DOCK3: variants seen among roughly 807,000 people sequenced by gnomAD.
The protein encoded by DOCK3 is dedicator of cytokinesis protein 3.
A neutral mutation model predicts 265.6 loss-of-function variants in DOCK3; 60 were observed. That is an observed-to-expected ratio of 0.23 (90% CI 0.18 to 0.28). The LOEUF (loss-of-function observed/expected upper bound fraction) is 0.28. DOCK3 is among the 10% of genes least tolerant of loss of function. The pLI, the probability that DOCK3 is intolerant of heterozygous loss-of-function variation, is 1.00. For synonymous variants in DOCK3, 881 were observed against 938.0 expected (o/e 0.94, Z 1.11); for missense variants, 1,981 against 2,594.3 (o/e 0.76, Z 5.14).
At chr3:51,079,837 C>T (rs542688727) in intron 7 of DOCK3, among the ~76,000 whole-genome samples, 2 of 152,288 alleles carry the variant, frequency 1.3e-5, no homozygotes, top group East Asian at 3.9e-4. Flanking sequence ...AAATGTGACA[C>T]TCAAAAATTA....
intron 14 of DOCK3, among the ~76,000 whole-genome samples, chr3:51,220,308 T>G (rs2090011281): frequency 6.6e-6 from 1 of 152,100 alleles, no homozygotes; most frequent in South Asian, 2.1e-4. Flanking sequence ...AGCACATCTG[T>G]AGAAACCCCT....
intron 12 of DOCK3, among the ~76,000 whole-genome samples, chr3:51,208,565 G>A (rs1271675040): frequency 1.3e-5 from 2 of 152,242 alleles, no homozygotes; most frequent in East Asian, 3.9e-4. Flanking sequence ...AATGTTTGTA[G>A]GGATTCATTT....
chr3:50,793,362 T>C (rs566950571), intron 2 of DOCK3, among the ~76,000 whole-genome samples: 137 of 149,126 alleles, frequency 9.2e-4, no homozygotes, highest in Middle Eastern at 6.9e-3. Context: ...CTTTTTCTTT[T>C]TTTTTTTTTT....
rs571473970 is a variant in DOCK3, at chr3:50,771,850, C to T, written c.38-6825C>T. On this transcript the variant is annotated intron_variant, in intron 1 of 52. Coordinates refer to ENST00000266037, the MANE Select transcript of DOCK3 (RefSeq NM_004947.5). The stretch of plus-strand genomic sequence containing the variant: ...TGGGCGACAGAGCGAGACTCCATCT[C>T]AAAAACAAAAACAAAAACAAAACAA... Among the ~76,000 whole-genome samples, 55 of 151,952 alleles carry T rather than the reference C, an allele frequency of 3.6e-4. No individual in the cohort carries two copies. The Middle Eastern group carries it at 0.01, about 28-fold the overall frequency.
At chr3:50,925,152 TG>T (rs1315261794) in intron 4 of DOCK3, among the ~76,000 whole-genome samples, 3 of 152,216 alleles carry the variant, frequency 2.0e-5, no homozygotes, top group African/African-American at 7.2e-5. Flanking sequence ...CAACTGATCT[TG>T]TAATTCAGCA....
chr3:51,290,735 A>C (rs1300114965), intron 27 of DOCK3, among the ~76,000 whole-genome samples: 1 of 152,196 alleles, frequency 6.6e-6, no homozygotes, highest in African/African-American at 2.4e-5. Flanking sequence ...CAAAAAGAGC[A>C]GGGGTAGCTA....
At chr3:51,072,709 A>G (rs548460049) in intron 6 of DOCK3, among the ~76,000 whole-genome samples, 4 of 151,902 alleles carry the variant, frequency 2.6e-5, no homozygotes, top group African/African-American at 9.7e-5. Flanking sequence ...CGCTCAGCTG[A>G]AAACATTTTT....
At chr3:51,131,449 G>A (rs1423051784) in intron 9 of DOCK3, among the ~76,000 whole-genome samples, 2 of 152,164 alleles carry the variant, frequency 1.3e-5, no homozygotes, top group African/African-American at 2.4e-5. Context: ...TGTTGGTAAT[G>A]TAGTAGGGTC....
intron 12 of DOCK3, among the ~76,000 whole-genome samples, chr3:51,200,520 T>C (rs1254904797): frequency 6.8e-6 from 1 of 148,134 alleles, no homozygotes; most frequent in Non-Finnish European, 1.5e-5. Flanking sequence ...TATGGGACTA[T>C]GTGAAAAGAC....
In DOCK3 at chr3:51,073,138, T is replaced by C. The variant is rs574524956; in HGVS notation, c.465-2218T>C. On this transcript the variant is annotated intron_variant, in intron 6 of 52. Transcript: ENST00000266037. ...AGAATATGTATGAAATGTTGTCTCT[T>C]CATTTTTTATTATTTTAAAAAGTTT... is the stretch of plus-strand genomic sequence containing the variant. Among the ~76,000 whole-genome samples, 338 of 152,328 alleles carry C rather than the reference T, an allele frequency of 2.2e-3. 1 individual carries two copies. Among genetic ancestry groups the C allele is most frequent in the African/African-American group, 7.9e-3 (328 of 41,584 alleles).
At chr3:50,989,025 A>T (rs1041000088) in intron 5 of DOCK3, among the ~76,000 whole-genome samples, 3 of 152,124 alleles carry the variant, frequency 2.0e-5, no homozygotes, top group African/African-American at 7.2e-5. Flanking sequence ...CACACCTGCT[A>T]CAAGCTGCAG....
intron 12 of DOCK3, among the ~76,000 whole-genome samples, chr3:51,179,776 G>A (rs2087171821): frequency 2.0e-5 from 3 of 151,962 alleles, no homozygotes; most frequent in African/African-American, 4.8e-5. Flanking sequence ...GCCGGGCTTG[G>A]TGGTGCATGC....
intron 5 of DOCK3, among the ~76,000 whole-genome samples, chr3:51,032,650 A>C (rs2080098571): frequency 6.6e-6 from 1 of 152,268 alleles, no homozygotes; most frequent in South Asian, 2.1e-4. Flanking sequence ...GCTAACATCT[A>C]TAATCACAGC....
At chr3:50,872,497 G>A (rs1235536994) in intron 3 of DOCK3, among the ~76,000 whole-genome samples, 2 of 152,190 alleles carry the variant, frequency 1.3e-5, no homozygotes, top group Non-Finnish European at 2.9e-5. Context: ...CTGAAGCCAG[G>A]TCTCACTGGG....
intron 1 of DOCK3, chr3:50,719,602 C>G: frequency 6.6e-7 from 1 of 1,509,410 alleles, no homozygotes; most frequent in South Asian, 1.1e-5. Context: ...AGACCACATG[C>G]TTGCCATCCA....
At chr3:50,937,711 T>A (rs1317840207) in intron 5 of DOCK3, among the ~76,000 whole-genome samples, 2 of 152,276 alleles carry the variant, frequency 1.3e-5, no homozygotes, top group African/African-American at 4.8e-5. Flanking sequence ...AGCAGCTACA[T>A]ATGTATATTG....
intron 12 of DOCK3, among the ~76,000 whole-genome samples, chr3:51,165,270 GCCCATTGGGCCATCCTCTTTTTATCC>G: frequency 6.6e-6 from 1 of 152,230 alleles, no homozygotes; most frequent in Non-Finnish European, 1.5e-5. Flanking sequence ...ATGGGTGAAG[GCCCATTGGGCCATCCTCTTTTTATCC>G]CCTAGCCTTA....
At chr3:50,752,237 G>A (rs1364349134) in intron 1 of DOCK3, among the ~76,000 whole-genome samples, 2 of 152,158 alleles carry the variant, frequency 1.3e-5, no homozygotes, top group South Asian at 2.1e-4. Flanking sequence ...ATAGCCAGGT[G>A]CAGTGGCTCA....
chr3:51,373,505 C>CA (rs2087846426), intron 49 of DOCK3, among the ~76,000 whole-genome samples: 1 of 152,220 alleles, frequency 6.6e-6, no homozygotes, highest in African/African-American at 2.4e-5. Context: ...CCAAATTACC[C>CA]ATTCCCCCAG....
Sources: gnomAD v4.1 joint callset for allele counts (sites outside exome capture counted in the v4.1 genomes callset) on GRCh38, gnomAD v4.1.1 for gene constraint, MANE v1.5 for transcripts, NCBI Gene and HGNC (gene_info 2026-07-23, HGNC 2026-07-21) for gene names.